GPR158: variants seen among roughly 807,000 people sequenced by gnomAD.
The protein encoded by GPR158 is G protein-coupled receptor 158.
A neutral mutation model predicts 78.2 loss-of-function variants in GPR158; 30 were observed. The observed-to-expected ratio is 0.38, with a 90% CI of 0.29 to 0.52. The LOEUF (loss-of-function observed/expected upper bound fraction) is 0.52, where lower values mean the gene tolerates loss of function less well. Ranked by LOEUF, GPR158 falls within the 20% of genes least tolerant of loss-of-function variation. GPR158 has a pLI of 0.83. For synonymous variants in GPR158, 581 were observed against 591.1 expected, an observed-to-expected ratio of 0.98 and a Z score of 0.25; for missense variants, 1,463 against 1,523.5, an observed-to-expected ratio of 0.96 and a Z score of 0.66.
In GPR158 at chr10:25,598,281, C is replaced by G; in HGVS notation, c.2655C>G (p.Leu885=). ...LVCKSASAHN[L]SSEKKTGHPR... is the part of the protein sequence containing the mutation. ...GCAAGTCAGCAAGCGCTCACAACCTCAGCTCAGAGAAGAAAACTGGGCACC... is the reference window on the plus strand; with the variant it reads ...GCAAGTCAGCAAGCGCTCACAACCTGAGCTCAGAGAAGAAAACTGGGCACC... Residue 885 remains leucine, a synonymous_variant, in exon 11 of 11, where the codon CTC becomes CTG. Coordinates refer to ENST00000376351, the MANE Select transcript of GPR158 (RefSeq NM_020752.3). 6.2e-7 allele frequency: 1 copy of G among 1,614,056 alleles called. No homozygotes were observed. The highest frequency in any genetic ancestry group is 8.5e-7 in the Non-Finnish European group (1 of 1,179,992).
At chr10:25,224,452 C>T (rs976527856) in intron 2 of GPR158, among the ~76,000 whole-genome samples, 1 of 150,858 alleles carries the variant, frequency 6.6e-6, no homozygotes, top group African/African-American at 2.4e-5. Flanking sequence ...GAAAATTTTA[C>T]AAGATTGAGA....
intron 5 of GPR158, among the ~76,000 whole-genome samples, chr10:25,528,991 G>A (rs1836388510): frequency 1.3e-5 from 2 of 152,180 alleles, no homozygotes; most frequent in South Asian, 4.1e-4. Context: ...TGTTATGGAA[G>A]TTTCAAGGTA....
chr10:25,484,196 C>T (rs1350211894), intron 5 of GPR158, among the ~76,000 whole-genome samples: 1 of 152,150 alleles, frequency 6.6e-6, no homozygotes, highest in Non-Finnish European at 1.5e-5. Flanking sequence ...CTTGAACATG[C>T]CTGGCACACA....
At position 25,176,375 on chromosome 10, in the gene GPR158, G is replaced by T. The variant is rs1042050977; in HGVS notation, c.902+53G>T. 5 of 1,362,052 alleles carry T rather than the reference G, an allele frequency of 3.7e-6. No individual in the cohort carries two copies. Among genetic ancestry groups the T allele is most frequent in the Non-Finnish European group, 4.0e-6 (4 of 1,001,606 alleles). 84.4% of individuals were successfully genotyped at this position (1,362,052 alleles called of 1,614,324 possible). A position where few individuals can be genotyped will look rare whatever the true frequency, so the allele number is the denominator to read the frequency against. ...AGGCAAAAGCGAAGCTTTCCTTCCG[G>T]TCTTGTGGGTGGGTGCACGTGTGAG... On this transcript the variant is annotated intron_variant, in intron 1 of 10. Transcript: ENST00000376351. This position sits in a 1 kb window ranked among gnomAD's most constrained non-coding sequence, Gnocchi z 6.3.
At chr10:25,468,598 A>T (rs554368653) in intron 5 of GPR158, among the ~76,000 whole-genome samples, 3 of 152,310 alleles carry the variant, frequency 2.0e-5, no homozygotes, top group East Asian at 3.9e-4. Flanking sequence ...TTAATGTTGG[A>T]AAAATTGAAA....
intron 5 of GPR158, among the ~76,000 whole-genome samples, chr10:25,502,183 T>C (rs775789486): frequency 1.8e-4 from 28 of 152,272 alleles, no homozygotes; most frequent in Non-Finnish European, 4.0e-4. Flanking sequence ...AAGCTTCCCC[T>C]GAGACAGAGA....
chr10:25,371,608 G>T (rs1456817054), intron 2 of GPR158, among the ~76,000 whole-genome samples: 3 of 143,906 alleles, frequency 2.1e-5, no homozygotes, highest in African/African-American at 7.6e-5. Context: ...AATGGGGAAA[G>T]GATTCCCTAT....
chr10:25,491,851 G>A lies in GPR158; in HGVS notation c.1404+25132G>A, dbSNP rs149137112. 3.0e-3 allele frequency among the ~76,000 whole-genome samples: 463 copies of A among 152,212 alleles called. 1 individual carries two copies. Among genetic ancestry groups the A allele is most frequent in the African/African-American group, 9.3e-3 (387 of 41,526 alleles). ...ATATGGATAGGTCAAAAATGCATTT[G>A]TCACATTCTCAATTGATAGACATGT... On this transcript the variant is annotated intron_variant, in intron 5 of 10. Coordinates refer to ENST00000376351, the MANE Select transcript of GPR158 (RefSeq NM_020752.3).
At chr10:25,418,837 T>A (rs1834704120) in intron 4 of GPR158, among the ~76,000 whole-genome samples, 1 of 147,680 alleles carries the variant, frequency 6.8e-6, no homozygotes, top group African/African-American at 2.5e-5. Context: ...AAAGACTGAT[T>A]TTTAAAAAAC....
intron 2 of GPR158, among the ~76,000 whole-genome samples, chr10:25,237,215 C>T (rs1853537636): frequency 6.6e-6 from 1 of 152,066 alleles, no homozygotes; most frequent in Non-Finnish European, 1.5e-5. Flanking sequence ...CTATAGTTTA[C>T]CAGGTAATCT....
At chr10:25,512,792 G>A (rs1257510902) in intron 5 of GPR158, among the ~76,000 whole-genome samples, 1 of 152,028 alleles carries the variant, frequency 6.6e-6, no homozygotes, top group South Asian at 2.1e-4. Context: ...ACATGATCAT[G>A]TGATTTTTGC....
chr10:25,231,139 A>G (rs1235127603), intron 2 of GPR158, among the ~76,000 whole-genome samples: 1 of 152,212 alleles, frequency 6.6e-6, no homozygotes, highest in Non-Finnish European at 1.5e-5. Context: ...ATAATGATAA[A>G]GCAAACTATT....
intron 4 of GPR158, among the ~76,000 whole-genome samples, chr10:25,442,894 C>T (rs10828807): frequency 0.19 from 29,544 of 152,092 alleles, 3,633 homozygotes; most frequent in African/African-American, 0.36. Flanking sequence ...CTTCACCCCA[C>T]AGCCAGAAAC....
At chr10:25,317,116 C>T (rs887567689) in intron 2 of GPR158, among the ~76,000 whole-genome samples, 4 of 151,380 alleles carry the variant, frequency 2.6e-5, no homozygotes, top group Non-Finnish European at 4.4e-5. Context: ...GTGATCTTGG[C>T]TCACTGCAAC....
chr10:25,417,348 T>C (rs374524558), intron 4 of GPR158, among the ~76,000 whole-genome samples: 16 of 152,276 alleles, frequency 1.1e-4, no homozygotes, highest in East Asian at 7.7e-4. Context: ...GCAGGTACTT[T>C]TAGAGTGTCT....
chr10:25,596,507 C>CTATA (rs576637004), intron 9 of GPR158, 136 bp from the exon 10 acceptor site: 10 of 591,888 alleles, frequency 1.7e-5, no homozygotes, highest in Admixed American at 6.1e-5. Context: ...ATCTATCTAT[C>CTATA]TATATATATA....
At chr10:25,522,043 A>G (rs1836284526) in intron 5 of GPR158, among the ~76,000 whole-genome samples, 1 of 152,228 alleles carries the variant, frequency 6.6e-6, no homozygotes, top group Non-Finnish European at 1.5e-5. Context: ...TTTAATAACC[A>G]GTAATTAGGG....
intron 2 of GPR158, among the ~76,000 whole-genome samples, chr10:25,305,551 C>A (rs574590533): frequency 5.6e-4 from 86 of 152,248 alleles, no homozygotes; most frequent in African/African-American, 1.9e-3. Flanking sequence ...GAAGTGTCAG[C>A]AAATGTGTCT....
chr10:25,339,954 T>G (rs1169989177), intron 2 of GPR158, among the ~76,000 whole-genome samples: 3 of 152,112 alleles, frequency 2.0e-5, no homozygotes, highest in Admixed American at 6.6e-5. Flanking sequence ...GAAAAGTTCT[T>G]GCATAATGTT....
Sources: allele counts gnomAD v4.1 joint callset (sites outside exome capture counted in the v4.1 genomes callset), GRCh38; gene constraint gnomAD v4.1.1; non-coding constraint Gnocchi (gnomAD v3.1); transcripts MANE v1.5; gene names NCBI Gene and HGNC (gene_info 2026-07-23, HGNC 2026-07-21).